Variants in NT5C2 observed in about 807,000 individuals in gnomAD.
NT5C2 encodes the protein 5'-nucleotidase, cytosolic II, also known as cytosolic purine 5'-nucleotidase.
A neutral mutation model predicts 76.1 loss-of-function variants in NT5C2; 58 were observed. That is an observed-to-expected ratio of 0.76 (90% CI 0.62 to 0.95). NT5C2 has a LOEUF of 0.95. NT5C2 is among the 40% of genes least tolerant of loss of function. The pLI, the probability that NT5C2 is intolerant of heterozygous loss-of-function variation, is 0.00. For synonymous variants in NT5C2, 229 were observed against 237.4 expected, an observed-to-expected ratio of 0.96 and a Z score of 0.32; for missense variants, 478 against 690.3, an observed-to-expected ratio of 0.69 and a Z score of 3.45.
chr10:103,113,359 T>C, intron 4 of NT5C2, among the ~76,000 whole-genome samples: 1 of 152,204 alleles, frequency 6.6e-6, no homozygotes, highest in Non-Finnish European at 1.5e-5. Flanking sequence ...TCTGAGAATC[T>C]GAACACTTAC....
chr10:103,163,362 T>G (rs1462468655), intron 3 of NT5C2, among the ~76,000 whole-genome samples: 1 of 152,192 alleles, frequency 6.6e-6, no homozygotes, highest in Non-Finnish European at 1.5e-5. Context: ...CCAAACTGTT[T>G]TTCCAGAGGA....
In NT5C2 at chr10:103,181,540, A is replaced by G. The variant is rs915265408; in HGVS notation, c.-168-212T>C. ...ATTCTTTCCTTCAAAATGGTGTGCC[A>G]ATAAAATGCTGATAGCCACATATAG... On this transcript the variant is annotated intron_variant, in intron 1 of 18. Coordinates refer to ENST00000404739, the MANE Select transcript of NT5C2 (RefSeq NM_001351169.2). Among the ~76,000 whole-genome samples the G allele has an allele frequency of 3.8e-4, 58 of 152,266 alleles. 1 individual carries two copies. The highest frequency in any genetic ancestry group is 1.3e-3 in the African/African-American group (56 of 41,568).
chr10:103,172,606 C>T (rs942670215), intron 3 of NT5C2, among the ~76,000 whole-genome samples: 2 of 151,880 alleles, frequency 1.3e-5, no homozygotes, highest in Non-Finnish European at 2.9e-5. Context: ...GAGGCTGAGG[C>T]GGGTGGATCA....
intron 4 of NT5C2, among the ~76,000 whole-genome samples, chr10:103,130,288 G>A (rs2077878662): frequency 6.6e-6 from 1 of 151,872 alleles, no homozygotes; most frequent in African/African-American, 2.4e-5. Context: ...CATGCGCTGT[G>A]TCCACTCAGG....
chr10:103,099,924 A>G lies in NT5C2; in HGVS notation c.633+2T>C. On this transcript the variant is annotated splice_donor_variant, in intron 9 of 18. Coordinates refer to ENST00000404739, the MANE Select transcript of NT5C2 (RefSeq NM_001351169.2). LOFTEE classifies it high-confidence loss of function. Reference sequence around the variant, plus strand: ...GCAGGTGAAGAAACAGCTTCTAGGTACCTTGTAATGAACCCAGTCAACAGC... The same window carrying G: ...GCAGGTGAAGAAACAGCTTCTAGGTGCCTTGTAATGAACCCAGTCAACAGC... 1 of 1,595,026 alleles carries G rather than the reference A, an allele frequency of 6.3e-7. No individual in the cohort carries two copies. The highest frequency in any genetic ancestry group is 8.6e-7 in the Non-Finnish European group (1 of 1,162,956).
chr10:103,136,142 G>A lies in NT5C2; in HGVS notation c.175+3264C>T, dbSNP rs562627108. On this transcript the variant is annotated intron_variant, in intron 4 of 18. Transcript: ENST00000404739. ...TGCCCAATCTCAGGTATGTCTATCA[G>A]CAGCATGAAAACAGACTAATACACC... Among the ~76,000 whole-genome samples, 17 of 152,216 alleles carry A rather than the reference G, an allele frequency of 1.1e-4. No individual in the cohort carries two copies. In the South Asian group the frequency reaches 3.5e-3, roughly 32 times the overall value.
intron 3 of NT5C2, chr10:103,153,785 T>C: frequency 2.0e-6 from 2 of 976,620 alleles, no homozygotes; most frequent in Non-Finnish European, 2.4e-6. Flanking sequence ...ATTTTATGTT[T>C]TAATTATTAG....
At chr10:103,164,448 G>A (rs898004230) in intron 3 of NT5C2, among the ~76,000 whole-genome samples, 6 of 151,878 alleles carry the variant, frequency 4.0e-5, no homozygotes, top group African/African-American at 1.5e-4. Context: ...AGTAGAGACA[G>A]GGTTTCACCA....
intron 3 of NT5C2, among the ~76,000 whole-genome samples, chr10:103,157,220 C>T (rs2083604600): frequency 6.6e-6 from 1 of 151,638 alleles, no homozygotes; most frequent in Non-Finnish European, 1.5e-5. Flanking sequence ...AATACCCTAA[C>T]CATGCTGTAG....
At chr10:103,173,932 C>T (rs1404620165) in intron 3 of NT5C2, among the ~76,000 whole-genome samples, 4 of 151,674 alleles carry the variant, frequency 2.6e-5, no homozygotes, top group Non-Finnish European at 5.9e-5. Flanking sequence ...CCTGTCTCTA[C>T]TAAAAATACA....
At chr10:103,141,445 G>A (rs1591394695) in intron 3 of NT5C2, among the ~76,000 whole-genome samples, 1 of 152,212 alleles carries the variant, frequency 6.6e-6, no homozygotes, top group East Asian at 1.9e-4. Flanking sequence ...GCAGCAGAGT[G>A]AGACCCTGTT....
rs2067357966 is a variant in NT5C2 at position 103,093,252 on chromosome 10, A to G, written c.1046T>C (p.Ile349Thr). The change falls in exon 15 of 19, where the codon ATT (isoleucine) becomes ACT (threonine). Residue 349 changes from isoleucine to threonine, a missense_variant. Transcript: ENST00000404739. ...LGAKGKDILY[I>T]GDHIFGDILK... ...AATGTCCCCAAAAATGTGATCTCCA[A>G]TATACAAAATGTCTTTTCCCTTGGC... The G allele has an allele frequency of 6.2e-7, 1 of 1,611,208 alleles. No homozygotes were observed. Among genetic ancestry groups the G allele is most frequent in the Non-Finnish European group, 8.5e-7 (1 of 1,178,812 alleles).
At chr10:103,152,195 C>T (rs1591518625) in intron 3 of NT5C2, among the ~76,000 whole-genome samples, 1 of 152,294 alleles carries the variant, frequency 6.6e-6, no homozygotes, top group African/African-American at 2.4e-5. Context: ...TAACACCTAC[C>T]TATCTATAGC....
At chr10:103,149,689 CTG>C (rs2133628566) in intron 3 of NT5C2, among the ~76,000 whole-genome samples, 1 of 152,144 alleles carries the variant, frequency 6.6e-6, no homozygotes, top group South Asian at 2.1e-4. Flanking sequence ...GGGTTAAACT[CTG>C]TGAGATAGAA....
chr10:103,180,754 A>G (rs2090909854), intron 2 of NT5C2, among the ~76,000 whole-genome samples: 1 of 152,170 alleles, frequency 6.6e-6, no homozygotes, highest in African/African-American at 2.4e-5. Flanking sequence ...AAATGTTCTT[A>G]GCAGCTTTGT....
At position 103,097,865 on chromosome 10, in the gene NT5C2, G is replaced by A. The variant is rs374134366; in HGVS notation, c.688-491C>T. ...CCTAGAAATACCCACACCCACGTGC[G>A]CTTAAATGAGGAAATTCTAACCCCT... On this transcript the variant is annotated intron_variant, in intron 10 of 18. Coordinates refer to ENST00000404739, the MANE Select transcript of NT5C2 (RefSeq NM_001351169.2). The A allele has an allele frequency of 9.1e-5, 34 of 373,844 alleles. No individual in the cohort carries two copies. The East Asian group carries it at 2.0e-3, about 22-fold the overall frequency. 23.2% of individuals were successfully genotyped at this position (373,844 alleles called of 1,614,324 possible).
chr10:103,174,298 G>C (rs1011112676), intron 3 of NT5C2, among the ~76,000 whole-genome samples: 4 of 152,140 alleles, frequency 2.6e-5, no homozygotes, highest in Non-Finnish European at 4.4e-5. Context: ...CCAGCTACTG[G>C]GGAAGTTGAG....
At chr10:103,136,270 T>G (rs149426078) in intron 4 of NT5C2, among the ~76,000 whole-genome samples, 1 of 152,230 alleles carries the variant, frequency 6.6e-6, no homozygotes, top group African/African-American at 2.4e-5. Flanking sequence ...GGTTTGAATC[T>G]TGGTTCAGGT....
chr10:103,181,756 G>A (rs992243406), intron 1 of NT5C2, among the ~76,000 whole-genome samples: 12 of 152,162 alleles, frequency 7.9e-5, no homozygotes, highest in Non-Finnish European at 8.8e-5. Context: ...TGTAATCCTG[G>A]CACTTTGGGA....
Sources: gnomAD v4.1 joint callset for allele counts (sites outside exome capture counted in the v4.1 genomes callset) on GRCh38, gnomAD v4.1.1 for gene constraint, MANE v1.5 for transcripts, NCBI Gene and HGNC (gene_info 2026-07-23, HGNC 2026-07-21) for gene names.